The following KIF21A variants were observed in gnomAD, a reference collection of about 807,000 sequenced individuals.
KIF21A encodes kinesin family member 21A.
Under a neutral mutation model 202.9 loss-of-function variants are expected in KIF21A, and 114 were observed. That is an observed-to-expected ratio of 0.56 (90% CI 0.48 to 0.66). The LOEUF (loss-of-function observed/expected upper bound fraction) is 0.66, where lower values mean the gene tolerates loss of function less well. Among genes scored for constraint, KIF21A ranks in the 30% least tolerant of loss-of-function variants. The pLI is 0.00. For synonymous variants in KIF21A, 667 were observed against 670.8 expected, an observed-to-expected ratio of 0.99 and a Z score of 0.09; for missense variants, 1,677 against 1,994.9, an observed-to-expected ratio of 0.84 and a Z score of 3.04.
chr12:39,338,126 C>T (rs1307194033), intron 16 of KIF21A, among the ~76,000 whole-genome samples: 3 of 152,202 alleles, frequency 2.0e-5, no homozygotes, highest in South Asian at 2.1e-4. Flanking sequence ...GTTAATGCTC[C>T]GGAATGCCTT....
Position 39,442,730 on chromosome 12 carries a change from G to A in KIF21A, c.44+197C>T, listed in dbSNP as rs1040096874. Among the ~76,000 whole-genome samples the A allele has an allele frequency of 6.6e-6, 1 of 152,114 alleles. No individual in the cohort carries two copies. Among genetic ancestry groups the A allele is most frequent in the Non-Finnish European group, 1.5e-5 (1 of 68,010 alleles). ...CAAACACAGACGGCGTGAGGGCGGC[G>A]CAGTCGCCCTGCCAGCACCCGGCCG... On this transcript the variant is annotated intron_variant, in intron 1 of 37. Transcript: ENST00000361418. This position sits in a 1 kb window ranked among gnomAD's most constrained non-coding sequence, Gnocchi z 5.0.
chr12:39,298,477 A>C (rs1476433064), intron 37 of KIF21A, among the ~76,000 whole-genome samples: 1 of 151,928 alleles, frequency 6.6e-6, no homozygotes, highest in South Asian at 2.1e-4. Context: ...TGACCGGTAT[A>C]GTAGAGAGAT....
intron 10 of KIF21A, among the ~76,000 whole-genome samples, chr12:39,353,252 C>T (rs1216064790): frequency 3.9e-5 from 6 of 152,066 alleles, no homozygotes; most frequent in Admixed American, 2.0e-4. Context: ...CTCAAGCTCC[C>T]AGCCTCAAGT....
At position 39,442,639 on chromosome 12, in the gene KIF21A, G is replaced by A. The variant is rs1221931375; in HGVS notation, c.44+288C>T. Reference sequence around the variant, plus strand: ...GAGGGGACGGAGGGGAGTGACGAGGGCTTTTCCCCCAGAGAAGTCAAGACG... The same window carrying A: ...GAGGGGACGGAGGGGAGTGACGAGGACTTTTCCCCCAGAGAAGTCAAGACG... On this transcript the variant is annotated intron_variant, in intron 1 of 37. Transcript: ENST00000361418. This position sits in a 1 kb window ranked among gnomAD's most constrained non-coding sequence, Gnocchi z 5.0. Among the ~76,000 whole-genome samples, 1 of 152,180 alleles carries A rather than the reference G, an allele frequency of 6.6e-6. No individual in the cohort carries two copies. Among genetic ancestry groups the A allele is most frequent in the African/African-American group, 2.4e-5 (1 of 41,454 alleles).
At chr12:39,316,210 T>C (rs1944522005) in intron 29 of KIF21A, among the ~76,000 whole-genome samples, 2 of 152,248 alleles carry the variant, frequency 1.3e-5, no homozygotes, top group Admixed American at 6.5e-5. Flanking sequence ...TTTCTAATAC[T>C]GATATACAAA....
Position 39,332,664 on chromosome 12 carries a change from C to A in KIF21A, c.2783G>T (p.Arg928Leu), listed in dbSNP as rs755738527. ...TARMKWQLLE[R>L]RVTDIIMQKM... is the part of the protein sequence containing the mutation. The stretch of plus-strand genomic sequence containing the variant: ...CTGCATGATGATGTCTGTGACCCTG[C>A]GCTCAAGGAGCTGCCACTTCATGCG... Residue 928 changes from arginine (R) to leucine (L), a missense_variant, in exon 20 of 38, where the codon CGC (arginine) becomes CTC (leucine). Transcript: ENST00000361418. 7 of 1,613,898 alleles carry A rather than the reference C, an allele frequency of 4.3e-6. No homozygotes were observed. In the South Asian group the frequency reaches 7.7e-5, roughly 18 times the overall value.
At position 39,424,815 on chromosome 12, in the gene KIF21A, A is replaced by T. The variant is rs117740080; in HGVS notation, c.44+18112T>A. 2.9e-3 allele frequency among the ~76,000 whole-genome samples: 436 copies of T among 152,238 alleles called. 1 individual carries two copies. Among genetic ancestry groups the T allele is most frequent in the Non-Finnish European group, 5.1e-3 (346 of 68,020 alleles). ...CCTACATTTTCACCTCTTATAATAC[A>T]GTCCACCTTGTACCGAGCAACAAGA... On this transcript the variant is annotated intron_variant, in intron 1 of 37. Transcript: ENST00000361418.
chr12:39,356,482 T>TCGG, intron 10 of KIF21A: 18 of 180,122 alleles, frequency 1.0e-4, no homozygotes, highest in South Asian at 6.0e-4. Context: ...TGTGTAGATA[T>TCGG]TGATCTATTC....
chr12:39,324,034 C>G (rs944483521), intron 26 of KIF21A, among the ~76,000 whole-genome samples: 1 of 151,762 alleles, frequency 6.6e-6, no homozygotes, highest in African/African-American at 2.4e-5. Flanking sequence ...GGTGTGAACC[C>G]GGAAGGCGGA....
At chr12:39,347,918 CA>C (rs149414494) in intron 11 of KIF21A, among the ~76,000 whole-genome samples, 1 of 151,792 alleles carries the variant, frequency 6.6e-6, no homozygotes. Flanking sequence ...TCCACATACA[CA>C]AAAAATGCAA....
intron 33 of KIF21A, 55 bp downstream of exon 33, chr12:39,309,531 A>C (rs1943806210): frequency 7.5e-7 from 1 of 1,327,040 alleles, no homozygotes; most frequent in Non-Finnish European, 1.0e-6. Context: ...TTGTAAAAAA[A>C]AAAAAAAAAG....
chr12:39,395,985 G>A (rs939085049), intron 1 of KIF21A, among the ~76,000 whole-genome samples: 1 of 149,934 alleles, frequency 6.7e-6, no homozygotes, highest in Non-Finnish European at 1.5e-5. Flanking sequence ...AAAAATTCCA[G>A]AGGCTAATCT....
chr12:39,411,451 A>C (rs1953071609), intron 1 of KIF21A, among the ~76,000 whole-genome samples: 1 of 152,202 alleles, frequency 6.6e-6, no homozygotes, highest in Non-Finnish European at 1.5e-5. Flanking sequence ...TCTTTAATCC[A>C]CCACAATATA....
intron 1 of KIF21A, 84 bp from the exon 2 acceptor site, chr12:39,370,345 C>T (rs1317775042): frequency 7.0e-6 from 7 of 1,000,384 alleles, no homozygotes; most frequent in Non-Finnish European, 7.6e-6. Context: ...AAACTCTTGG[C>T]CAAATCTTTT....
chr12:39,375,167 A>G (rs1303289517), intron 1 of KIF21A, among the ~76,000 whole-genome samples: 1 of 152,160 alleles, frequency 6.6e-6, no homozygotes, highest in Non-Finnish European at 1.5e-5. Flanking sequence ...TTAGTGATTG[A>G]ATATATTTAA....
Position 39,341,560 on chromosome 12 carries a change from ATCT to A in KIF21A, c.1863_1865del (p.Glu621del). ...CAGAACTTTCACCCCCATCAATGTC[ATCT>A]TCCTCCTCCTCCTCCTCCTCTTCTT... On this transcript the variant is annotated inframe_deletion, in exon 14 of 38. Transcript: ENST00000361418. 6.2e-7 allele frequency: 1 copy of A among 1,611,290 alleles called. No individual in the cohort carries two copies. Among genetic ancestry groups the A allele is most frequent in the Non-Finnish European group, 8.5e-7 (1 of 1,177,948 alleles).
At chr12:39,330,342 A>G in intron 23 of KIF21A, 80 bp from the exon 24 acceptor site, 1 of 1,258,458 alleles carries the variant, frequency 7.9e-7, no homozygotes, top group Non-Finnish European at 1.2e-6. Context: ...TCCCACATAA[A>G]ACAAGATTAT....
rs569398318 is a variant in KIF21A, at chr12:39,368,940, T to C, written c.450+789A>G. On this transcript the variant is annotated intron_variant, in intron 3 of 37. Transcript: ENST00000361418. ...GATGTCCTCTTAGTGTTATTTTCCT[T>C]CTACTATGCTAGACAGCCTAAATTA... 1.5e-4 allele frequency among the ~76,000 whole-genome samples: 23 copies of C among 152,280 alleles called. 1 individual carries two copies. The highest frequency in any genetic ancestry group is 5.3e-4 in the African/African-American group (22 of 41,564).
At chr12:39,371,027 C>A (rs1260728790) in intron 1 of KIF21A, among the ~76,000 whole-genome samples, 1 of 152,150 alleles carries the variant, frequency 6.6e-6, no homozygotes, top group African/African-American at 2.4e-5. Context: ...TACTTTAAAT[C>A]ATCTCCAGAT....
Sources: allele counts gnomAD v4.1 joint callset (sites outside exome capture counted in the v4.1 genomes callset), GRCh38; gene constraint gnomAD v4.1.1; non-coding constraint Gnocchi (gnomAD v3.1); transcripts MANE v1.5; gene names NCBI Gene and HGNC (gene_info 2026-07-23, HGNC 2026-07-21).